Variants in TLR5 observed in about 807,000 individuals in gnomAD.
The protein encoded by TLR5 is toll-like receptor 5.
For missense variants in TLR5, 944 were observed against 999.8 expected (o/e 0.94, Z 0.75); for synonymous variants, 373 against 384.4 (o/e 0.97, Z 0.35).
At chr1:223,138,955 G>A (rs1319070913) in intron 2 of TLR5, among the ~76,000 whole-genome samples, 1 of 152,190 alleles carries the variant, frequency 6.6e-6, no homozygotes, top group Non-Finnish European at 1.5e-5. Flanking sequence ...TAAGTCTCAC[G>A]AGATTTAATG....
intron 2 of TLR5, among the ~76,000 whole-genome samples, chr1:223,138,747 C>T (rs763389): frequency 0.077 from 11,767 of 152,284 alleles, 764 homozygotes; most frequent in African/African-American, 0.17. Context: ...CCTACACCTG[C>T]AGCACACCAT....
Position 223,111,222 on chromosome 1 carries a change from G to A in TLR5, c.1810C>T (p.Pro604Ser). 2 of 1,614,172 alleles carry A rather than the reference G, an allele frequency of 1.2e-6. No individual in the cohort carries two copies. The highest frequency in any genetic ancestry group is 2.2e-5 in the South Asian group (2 of 91,078). Residue 604 changes from proline to serine, a missense_variant, in exon 6 of 6, where the codon CCT becomes TCT. Coordinates refer to ENST00000642603, the MANE Select transcript of TLR5 (RefSeq NM_003268.6). The part of the protein sequence containing the change: ...LNHTNVTIAG[P>S]PADIYCVYPD... ...TACACACAATATATGTCTGCAGGAG[G>A]CCCAGCTATAGTGACATTGGTGTGA...
intron 5 of TLR5, among the ~76,000 whole-genome samples, chr1:223,116,728 A>G (rs903283773): frequency 6.6e-6 from 1 of 152,170 alleles, no homozygotes; most frequent in African/African-American, 2.4e-5. Flanking sequence ...GTCCGTTTTG[A>G]CAGGGTGCTG....
chr1:223,112,137 AC>A lies in TLR5; in HGVS notation c.894del (p.Phe299LeufsTer5), dbSNP rs779654483. 1.2e-6 allele frequency: 2 copies of A among 1,614,184 alleles called. No individual in the cohort carries two copies. The highest frequency in any genetic ancestry group is 1.1e-5 in the South Asian group (1 of 91,072). The stretch of plus-strand genomic sequence containing the variant: ...ACTCGTGAGTTCAGGGAGAAGACAA[AC>A]CCATGTGAAAGATCCAGGTGTCTCA... ...SSVRHLDLSHGFVFSLNSRVF... is the reference protein window; with the variant it reads ...SSVRHLDLSHXFVFSLNSRVF... On this transcript the variant is annotated frameshift_variant, in exon 6 of 6. Coordinates refer to ENST00000642603, the MANE Select transcript of TLR5 (RefSeq NM_003268.6). LOFTEE classifies it low-confidence loss of function (END_TRUNC).
chr1:223,127,232 G>C (rs1458577800), intron 5 of TLR5: 1 of 152,372 alleles, frequency 6.6e-6, no homozygotes, highest in Non-Finnish European at 1.5e-5. Context: ...GCTGTGGTCA[G>C]GTGGAAGCTA....
In TLR5 at chr1:223,111,230, A is replaced by G. The variant is rs1656315294; in HGVS notation, c.1802T>C (p.Ile601Thr). 1.2e-6 allele frequency: 2 copies of G among 1,614,112 alleles called. No individual in the cohort carries two copies. Among genetic ancestry groups the G allele is most frequent in the Non-Finnish European group, 8.5e-7 (1 of 1,180,048 alleles). Residue 601 changes from isoleucine to threonine, a missense_variant, in exon 6 of 6, where the codon ATA becomes ACA. Transcript: ENST00000642603. ...INWLNHTNVT[I>T]AGPPADIYCV... ...ATATATGTCTGCAGGAGGCCCAGCTATAGTGACATTGGTGTGATTAAGCCA... is the reference window on the plus strand; with the variant it reads ...ATATATGTCTGCAGGAGGCCCAGCTGTAGTGACATTGGTGTGATTAAGCCA...
At position 223,110,189 on chromosome 1, in the gene TLR5, G is replaced by A; in HGVS notation, c.*266C>T. On this transcript the variant is annotated 3_prime_UTR_variant, in exon 6 of 6. Transcript: ENST00000642603. Reference sequence around the variant, plus strand: ...ATTCCATAATCAACACAGCAGGACAGAACGGTATTATTGGATCTGAAAGAA... The same window carrying A: ...ATTCCATAATCAACACAGCAGGACAAAACGGTATTATTGGATCTGAAAGAA... 2.0e-6 allele frequency: 1 copy of A among 506,800 alleles called. No homozygotes were observed. 31.4% of individuals were successfully genotyped at this position (506,800 alleles called of 1,614,324 possible).
chr1:223,110,303 T>C lies in TLR5; in HGVS notation c.*152A>G. On this transcript the variant is annotated 3_prime_UTR_variant, in exon 6 of 6. Transcript: ENST00000642603. ...TGGAGGTTAGTGAGACAGAACATGG[T>C]GTTGATACGAAAATTGAGAGATTTA... 2 of 743,190 alleles carry C rather than the reference T, an allele frequency of 2.7e-6. No homozygotes were observed. The highest frequency in any genetic ancestry group is 4.4e-6 in the Non-Finnish European group (2 of 454,592). 46.0% of individuals were successfully genotyped at this position (743,190 alleles called of 1,614,324 possible). A position where few individuals can be genotyped will look rare whatever the true frequency, so the allele number is the denominator to read the frequency against.
chr1:223,116,591 A>ACCGCAGTGGGCTGCCACTGCTGGCCG (rs1656664770), intron 5 of TLR5, among the ~76,000 whole-genome samples: 1 of 152,122 alleles, frequency 6.6e-6, no homozygotes, highest in Non-Finnish European at 1.5e-5. Context: ...GTGAAAGACG[A>ACCGCAGTGGGCTGCCACTGCTGGCCG]CCGCAGTGGG....
intron 1 of TLR5, 55 bp from the exon 2 acceptor site, chr1:223,141,818 TATATAGAGAGAG>T (rs1250721884): frequency 9.2e-4 from 40 of 43,280 alleles, no homozygotes; most frequent in East Asian, 3.9e-3. Context: ...TATATATATA[TATATAGAGAGAG>T]AGAGAGAGAG....
intron 5 of TLR5, 40 bp from the exon 6 acceptor site, chr1:223,113,075 G>C: frequency 1.2e-6 from 2 of 1,601,926 alleles, no homozygotes; most frequent in Non-Finnish European, 1.7e-6. Context: ...AGGCATTTAA[G>C]CTCGAGGTAT....
chr1:223,141,822 T>TATATATATATAGAGAG (rs1398290863), intron 1 of TLR5, 59 bp from the exon 2 acceptor site: 1 of 42,992 alleles, frequency 2.3e-5, no homozygotes, highest in African/African-American at 9.4e-5. Context: ...TATATATATA[T>TATATATATATAGAGAG]AGAGAGAGAG....
Position 223,112,207 on chromosome 1 carries a change from T to G in TLR5, c.825A>C (p.Lys275Asn). 3 of 1,614,218 alleles carry G rather than the reference T, an allele frequency of 1.9e-6. No individual in the cohort carries two copies. The highest frequency in any genetic ancestry group is 2.5e-6 in the Non-Finnish European group (3 of 1,180,044). Residue 275 changes from lysine (K) to asparagine (N), a missense_variant, in exon 6 of 6, where the codon AAA becomes AAC. By Grantham distance (94) the Lys-to-Asn change is moderately conservative. Transcript: ENST00000642603. ...MGAGFGFHNI[K>N]DPDQNTFAGL... ...CAGCAAATGTGTTCTGGTCAGGATC[T>G]TTGATGTTATGGAAGCCAAACCCGG... is the stretch of plus-strand genomic sequence containing the variant.
At chr1:223,136,984 C>A (rs5744137) in intron 3 of TLR5, among the ~76,000 whole-genome samples, 194 bp downstream of exon 3, 1,560 of 152,158 alleles carry the variant, frequency 0.01, 9 homozygotes, top group South Asian at 0.033. Context: ...CTACCATGCC[C>A]AGCTAATCTT....
chr1:223,137,633 A>G (rs1305195877), intron 2 of TLR5, among the ~76,000 whole-genome samples: 1 of 152,186 alleles, frequency 6.6e-6, no homozygotes, highest in East Asian at 1.9e-4. Context: ...CCAGAAGGAA[A>G]GTTCTATGGG....
At position 223,110,664 on chromosome 1, in the gene TLR5, C is replaced by A. The variant is rs775017994; in HGVS notation, c.2368G>T (p.Val790Leu). ...TACTGGGACAAGGACCCAACCACCACCATGATGAGAGCACTGTTAAGGTCA... is the reference window on the plus strand; with the variant it reads ...TACTGGGACAAGGACCCAACCACCAACATGATGAGAGCACTGTTAAGGTCA... ...LSDLNSALIMVVVGSLSQYQL... is the reference protein window; with the variant it reads ...LSDLNSALIMLVVGSLSQYQL... Residue 790 changes from valine to leucine, a missense_variant, in exon 6 of 6, where the codon GTG becomes TTG. Transcript: ENST00000642603. 4 of 1,614,180 alleles carry A rather than the reference C, an allele frequency of 2.5e-6. No individual in the cohort carries two copies. The highest frequency in any genetic ancestry group is 3.4e-6 in the Non-Finnish European group (4 of 1,180,026).
Position 223,130,063 on chromosome 1 carries a change from C to T in TLR5, c.-5+2412G>A, listed in dbSNP as rs144710972. On this transcript the variant is annotated intron_variant, in intron 5 of 5. Coordinates refer to ENST00000642603, the MANE Select transcript of TLR5 (RefSeq NM_003268.6). ...CATTAGCAATGGGTGGGGGCTGGGGCGTACCCTGAGAGACTATCAAATGCC... is the reference window on the plus strand; with the variant it reads ...CATTAGCAATGGGTGGGGGCTGGGGTGTACCCTGAGAGACTATCAAATGCC... Among the ~76,000 whole-genome samples the T allele has an allele frequency of 2.4e-3, 361 of 152,178 alleles. 3 individuals carry two copies. The highest frequency in any genetic ancestry group is 8.2e-3 in the African/African-American group (339 of 41,508).
chr1:223,111,278 C>A lies in TLR5; in HGVS notation c.1754G>T (p.Cys585Phe). Reference sequence around the variant, plus strand: ...CCAATTGATAAAAGTGCTAAGTTCACATTCACAAATGAACTTGTTATGAGT... The same window carrying A: ...CCAATTGATAAAAGTGCTAAGTTCAAATTCACAAATGAACTTGTTATGAGT... Reference protein sequence around the residue: ...DITHNKFICECELSTFINWLN... With the variant: ...DITHNKFICEFELSTFINWLN... Residue 585 changes from cysteine (C) to phenylalanine (F), a missense_variant, in exon 6 of 6, where the codon TGT (cysteine) becomes TTT (phenylalanine). Cys to Phe is a radical substitution (Grantham distance 205, BLOSUM62 -2). Transcript: ENST00000642603. 1 of 1,614,124 alleles carries A rather than the reference C, an allele frequency of 6.2e-7. No homozygotes were observed. The highest frequency in any genetic ancestry group is 8.5e-7 in the Non-Finnish European group (1 of 1,179,996).
At chr1:223,115,045 G>A (rs976489204) in intron 5 of TLR5, among the ~76,000 whole-genome samples, 1 of 152,148 alleles carries the variant, frequency 6.6e-6, no homozygotes, top group African/African-American at 2.4e-5. Context: ...CAGCCAGCAT[G>A]TTCTTTCAAA....
Sources: allele counts gnomAD v4.1 joint callset (sites outside exome capture counted in the v4.1 genomes callset), GRCh38; gene constraint gnomAD v4.1.1; transcripts MANE v1.5; gene names NCBI Gene and HGNC (gene_info 2026-07-23, HGNC 2026-07-21).